ACTR5: variants seen among roughly 807,000 people sequenced by gnomAD.
ACTR5 encodes actin-related protein 5.
ACTR5 carries 43 observed loss-of-function variants against 61.2 expected under a neutral mutation model. The observed-to-expected ratio is 0.70, with a 90% CI of 0.55 to 0.91. The LOEUF is 0.91. ACTR5 is among the 40% of genes least tolerant of loss of function. The pLI is 0.00. For synonymous variants in ACTR5, 333 were observed against 310.5 expected, an observed-to-expected ratio of 1.07 and a Z score of -0.76; for missense variants, 798 against 782.2, an observed-to-expected ratio of 1.02 and a Z score of -0.24.
chr20:38,764,253 A>G (rs545119764), intron 5 of ACTR5, among the ~76,000 whole-genome samples: 4 of 152,282 alleles, frequency 2.6e-5, no homozygotes, highest in Admixed American at 1.3e-4. Context: ...TCTCAAGCAT[A>G]CTTGGCTTTG....
chr20:38,771,564 A>C lies in ACTR5; in HGVS notation c.1572A>C (p.Gln524His). The change falls in exon 9 of 9, where the codon CAA (glutamine) becomes CAC (histidine). Residue 524 changes from glutamine to histidine, a missense_variant. Physicochemically the swap from Gln to His is conservative, Grantham distance 24. Transcript: ENST00000243903. ...MRPFRSSFQV[Q>H]LASNPVLDAW... ...GGTGAATCTTTGTGTTTCAGGTTCA[A>C]CTTGCCTCGAACCCTGTGCTGGATG... 6.2e-7 allele frequency: 1 copy of C among 1,611,228 alleles called. No homozygotes were observed. Among genetic ancestry groups the C allele is most frequent in the Non-Finnish European group, 8.5e-7 (1 of 1,177,966 alleles).
chr20:38,771,076 C>G (rs1160759342), intron 8 of ACTR5, among the ~76,000 whole-genome samples: 1 of 152,258 alleles, frequency 6.6e-6, no homozygotes, highest in Non-Finnish European at 1.5e-5. Context: ...AAACTAAGTG[C>G]TGGCAGCCTC....
Position 38,766,471 on chromosome 20 carries a change from A to G in ACTR5, c.1433+94A>G, listed in dbSNP as rs1198629290. 8.5e-6 allele frequency: 12 copies of G among 1,404,826 alleles called. No individual in the cohort carries two copies. The East Asian group carries it at 2.8e-4, about 33-fold the overall frequency. 87.0% of individuals were successfully genotyped at this position (1,404,826 alleles called of 1,614,324 possible). A position where few individuals can be genotyped will look rare whatever the true frequency, so the allele number is the denominator to read the frequency against. ...AGATTTGATGGTCAGGCACTTGAAA[A>G]TGCATCTCACTCTCTTCTTTTCATT... On this transcript the variant is annotated intron_variant, in intron 7 of 8. Coordinates refer to ENST00000243903, the MANE Select transcript of ACTR5 (RefSeq NM_024855.4).
In ACTR5 at chr20:38,771,977, G is replaced by A; in HGVS notation, c.*161G>A. The A allele has an allele frequency of 9.8e-7, 1 of 1,022,954 alleles. No homozygotes were observed. Among genetic ancestry groups the A allele is most frequent in the South Asian group, 1.7e-5 (1 of 58,778 alleles). 63.4% of individuals were successfully genotyped at this position (1,022,954 alleles called of 1,614,324 possible). ...GGAGAACAAAGTTAAGGGACACTGAGACCTGCCCTTCAGAATTCGGTTCAC... is the reference window on the plus strand; with the variant it reads ...GGAGAACAAAGTTAAGGGACACTGAAACCTGCCCTTCAGAATTCGGTTCAC... On this transcript the variant is annotated 3_prime_UTR_variant, in exon 9 of 9. Transcript: ENST00000243903.
At chr20:38,766,837 T>G (rs1427092011) in intron 7 of ACTR5, among the ~76,000 whole-genome samples, 1 of 152,204 alleles carries the variant, frequency 6.6e-6, no homozygotes, top group African/African-American at 2.4e-5. Flanking sequence ...AGTGTGAATT[T>G]GATAATTCAA....
chr20:38,764,781 G>A (rs1028894091), intron 5 of ACTR5, among the ~76,000 whole-genome samples: 1 of 152,092 alleles, frequency 6.6e-6, no homozygotes, highest in Non-Finnish European at 1.5e-5. Flanking sequence ...AGTGATCCTC[G>A]ACCTCAGCTT....
intron 8 of ACTR5, among the ~76,000 whole-genome samples, chr20:38,771,173 C>T (rs572555212): frequency 1.5e-4 from 23 of 152,322 alleles, no homozygotes; most frequent in Admixed American, 3.3e-4. Context: ...TGCAGCGGCC[C>T]CTGTTTCCCT....
chr20:38,767,722 C>T, intron 8 of ACTR5, 126 bp downstream of exon 8: 1 of 1,072,738 alleles, frequency 9.3e-7, no homozygotes, highest in Admixed American at 2.8e-5. Flanking sequence ...GGTCTTAAGT[C>T]CATGCTTAAT....
intron 5 of ACTR5, among the ~76,000 whole-genome samples, chr20:38,765,125 A>G (rs1264523445): frequency 1.3e-5 from 2 of 152,242 alleles, no homozygotes; most frequent in African/African-American, 2.4e-5. Context: ...GGGCCCAGCC[A>G]TGAGCTGGCA....
At chr20:38,763,689 G>A (rs1202900761) in intron 5 of ACTR5, among the ~76,000 whole-genome samples, 1 of 152,150 alleles carries the variant, frequency 6.6e-6, no homozygotes, top group African/African-American at 2.4e-5. Context: ...TCACCTCTCT[G>A]AGCCATAGCA....
At chr20:38,752,807 G>A (rs529789146) in intron 3 of ACTR5, among the ~76,000 whole-genome samples, 4 of 152,238 alleles carry the variant, frequency 2.6e-5, no homozygotes, top group Admixed American at 1.3e-4. Flanking sequence ...AAAGGACTAC[G>A]GACAATGCCA....
intron 1 of ACTR5, among the ~76,000 whole-genome samples, chr20:38,749,805 G>C (rs957877187): frequency 6.6e-6 from 1 of 152,200 alleles, no homozygotes; most frequent in Non-Finnish European, 1.5e-5. Flanking sequence ...GTTTGGATGG[G>C]ACCTTGACTT....
In ACTR5 at chr20:38,771,540, G is replaced by A; in HGVS notation, c.1567-19G>A. 6.2e-6 allele frequency: 10 copies of A among 1,604,514 alleles called. No homozygotes were observed. The highest frequency in any genetic ancestry group is 8.5e-6 in the Non-Finnish European group (10 of 1,174,150). ...CTGGAGCCCTGGTGGAGGTGTCCTGGTGAATCTTTGTGTTTCAGGTTCAAC... is the reference window on the plus strand; with the variant it reads ...CTGGAGCCCTGGTGGAGGTGTCCTGATGAATCTTTGTGTTTCAGGTTCAAC... On this transcript the variant is annotated intron_variant, in intron 8 of 8. Coordinates refer to ENST00000243903, the MANE Select transcript of ACTR5 (RefSeq NM_024855.4).
chr20:38,754,175 AT>A (rs1869087906), intron 3 of ACTR5, among the ~76,000 whole-genome samples: 1 of 152,176 alleles, frequency 6.6e-6, no homozygotes, highest in African/African-American at 2.4e-5. Flanking sequence ...TCGTAAGGAG[AT>A]TAGTCTGTTA....
chr20:38,759,521 G>A (rs2084440909), intron 5 of ACTR5, among the ~76,000 whole-genome samples: 1 of 152,192 alleles, frequency 6.6e-6, no homozygotes, highest in African/African-American at 2.4e-5. Flanking sequence ...AAGCTAAGAA[G>A]TTATCTTAAG....
At chr20:38,756,682 A>G (rs1197266347) in intron 5 of ACTR5, among the ~76,000 whole-genome samples, 1 of 152,200 alleles carries the variant, frequency 6.6e-6, no homozygotes, top group Non-Finnish European at 1.5e-5. Flanking sequence ...AGGCAGGCAG[A>G]TTATCTGAGG....
At chr20:38,756,873 C>T (rs2084423410) in intron 5 of ACTR5, among the ~76,000 whole-genome samples, 2 of 152,198 alleles carry the variant, frequency 1.3e-5, no homozygotes, top group African/African-American at 4.8e-5. Flanking sequence ...CGTTGCACTC[C>T]AGCCTGGGCA....
At position 38,750,303 on chromosome 20, in the gene ACTR5, G is replaced by C. The variant is rs2084378842; in HGVS notation, c.605+64G>C. The C allele has an allele frequency of 8.4e-6, 12 of 1,434,884 alleles. No individual in the cohort carries two copies. The East Asian group carries it at 2.8e-4, about 33-fold the overall frequency. The allele number at this position is 1,434,884 out of a possible 1,614,324, so 88.9% of individuals were successfully genotyped here. A position where few individuals can be genotyped will look rare whatever the true frequency, so the allele number is the denominator to read the frequency against. On this transcript the variant is annotated intron_variant, in intron 2 of 8. Transcript: ENST00000243903. ...AGCATTCAGGAAACATTTATTTACT[G>C]CGTGCTTTAAAGGCAGAGTAGAAAG...
chr20:38,769,867 G>A (rs1248590390), intron 8 of ACTR5, among the ~76,000 whole-genome samples: 1 of 152,172 alleles, frequency 6.6e-6, no homozygotes, highest in African/African-American at 2.4e-5. Flanking sequence ...GAGCAGCAGT[G>A]CTGAAGCCAG....
Sources: allele counts gnomAD v4.1 joint callset (sites outside exome capture counted in the v4.1 genomes callset), GRCh38; gene constraint gnomAD v4.1.1; transcripts MANE v1.5; gene names NCBI Gene and HGNC (gene_info 2026-07-23, HGNC 2026-07-21).